The following PTOV1 variants were observed in gnomAD, a reference collection of about 807,000 sequenced individuals.
PTOV1 encodes the protein prostate tumor-overexpressed gene 1 protein.
A neutral mutation model predicts 58.0 loss-of-function variants in PTOV1; 20 were observed. That is an observed-to-expected ratio of 0.34 (90% CI 0.24 to 0.50). The LOEUF is 0.50. Ranked by LOEUF, PTOV1 falls within the 20% of genes least tolerant of loss-of-function variation. PTOV1 has a pLI of 0.98. For missense variants in PTOV1, 593 were observed against 565.4 expected (o/e 1.05, Z -0.50); for synonymous variants, 335 against 234.2 (o/e 1.43, Z -3.93).
chr19:49,860,579 G>A (rs888070656), exon 12 of PTOV1: 13 of 543,276 alleles, frequency 2.4e-5, no homozygotes, highest in Middle Eastern at 9.4e-4. Context: ...TTGGGAGCCT[G>A]TGGCCAGCAG....
At chr19:49,860,463 G>C (rs562779165) in exon 12 of PTOV1, 4 of 928,964 alleles carry the variant, frequency 4.3e-6, no homozygotes, top group African/African-American at 3.3e-5. Flanking sequence ...CAGTCCCAGC[G>C]GTCCTAGGCT....
exon 11 of PTOV1, chr19:49,860,110 G>A (rs1459686938): frequency 6.2e-7 from 1 of 1,614,084 alleles, no homozygotes; most frequent in Non-Finnish European, 8.5e-7. Flanking sequence ...TTTGTCAACG[G>A]CATCCGGCGT....
chr19:49,857,117 C>T (rs1229126795), exon 6 of PTOV1: 3 of 1,613,916 alleles, frequency 1.9e-6, no homozygotes, highest in Non-Finnish European at 2.5e-6. Context: ...CAGGTCATCA[C>T]CACCCGCAAG....
At chr19:49,859,736 C>T (rs1158737292) in intron 10 of PTOV1, 2 of 552,822 alleles carry the variant, frequency 3.6e-6, no homozygotes, top group Non-Finnish European at 3.2e-6. Context: ...CACAGCCTGG[C>T]CTGCCCAGGA....
Position 49,857,497 on chromosome 19 carries a change from C to A in PTOV1, c.715-196C>A, listed in dbSNP as rs148437795. ...CCTGTGCACCAGGTGAGGGCCGGGA[C>A]CTGTCTCAGGCCACTGGGGAGCCAT... is the stretch of plus-strand genomic sequence containing the variant. On this transcript the variant is annotated intron_variant, in intron 6 of 11. Transcript: ENST00000391842. 3,465 of 639,486 alleles carry A rather than the reference C, an allele frequency of 5.4e-3. 13 individuals are homozygous for A. Among genetic ancestry groups the A allele is most frequent in the Middle Eastern group, 0.015 (36 of 2,340 alleles). 39.6% of individuals were successfully genotyped at this position (639,486 alleles called of 1,614,324 possible). A position where few individuals can be genotyped will look rare whatever the true frequency, so the allele number is the denominator to read the frequency against.
chr19:49,859,744 G>C (rs1424879875), intron 10 of PTOV1: 1 of 564,654 alleles, frequency 1.8e-6, no homozygotes, highest in African/African-American at 1.9e-5. Flanking sequence ...GGCCTGCCCA[G>C]GAGCTCTGAA....
chr19:49,857,181 A>C, intron 6 of PTOV1, 51 bp downstream of exon 6: 1 of 1,604,304 alleles, frequency 6.2e-7, no homozygotes, highest in South Asian at 1.1e-5. Context: ...ATTAGACCCC[A>C]CTGCCCTGGT....
exon 1 of PTOV1, chr19:49,851,197 C>A (rs942551873): frequency 1.3e-5 from 16 of 1,210,618 alleles, no homozygotes; most frequent in South Asian, 3.3e-5. Context: ...GGCGGCGCGT[C>A]CCCCGAGCTT....
chr19:49,855,275 G>A (rs1414116017), intron 5 of PTOV1, 198 bp downstream of exon 5: 1 of 595,678 alleles, frequency 1.7e-6, no homozygotes, highest in Non-Finnish European at 3.0e-6. Flanking sequence ...CTCAGCCTGA[G>A]AGGCCTCCAG....
chr19:49,856,693 C>A (rs924656337), intron 5 of PTOV1: 1 of 422,474 alleles, frequency 2.4e-6, no homozygotes, highest in Non-Finnish European at 4.3e-6. Context: ...GGAGGGCTGG[C>A]GGCAGGGGGT....
chr19:49,851,303 C>G, exon 1 of PTOV1: 1 of 1,057,300 alleles, frequency 9.5e-7, no homozygotes, highest in South Asian at 4.4e-5. Flanking sequence ...CGCGGCAGCT[C>G]CCCGCCCGCT....
At position 49,851,510 on chromosome 19, in the gene PTOV1, C is replaced by T. The variant is rs965239554; in HGVS notation, c.171+11C>T. 1.6e-5 allele frequency: 19 copies of T among 1,207,272 alleles called. No homozygotes were observed. Among genetic ancestry groups the T allele is most frequent in the Non-Finnish European group, 2.0e-5 (19 of 969,452 alleles). 74.8% of individuals were successfully genotyped at this position (1,207,272 alleles called of 1,614,324 possible). ...TCGGCCCCTCCCATGGTGAGCCCCC[C>T]GCCCTTTTTCCAGAGCCTTCCACGG... is the stretch of plus-strand genomic sequence containing the variant. On this transcript the variant is annotated intron_variant, in intron 1 of 11. Coordinates refer to ENST00000391842, the Ensembl canonical transcript of PTOV1.
intron 10 of PTOV1, among the ~76,000 whole-genome samples, chr19:49,859,724 GAC>G (rs1379673222): frequency 6.6e-6 from 1 of 152,168 alleles, no homozygotes; most frequent in East Asian, 1.9e-4. Flanking sequence ...GGTGGCCCCA[GAC>G]ACAGCCTGGC....
chr19:49,856,741 C>A, intron 5 of PTOV1: 1 of 532,712 alleles, frequency 1.9e-6, no homozygotes, highest in Non-Finnish European at 3.3e-6. Flanking sequence ...GGCATTCTCA[C>A]CGCAGCCTGG....
chr19:49,855,869 G>A (rs1180129473), intron 5 of PTOV1, among the ~76,000 whole-genome samples: 1 of 152,086 alleles, frequency 6.6e-6, no homozygotes, highest in Non-Finnish European at 1.5e-5. Flanking sequence ...GGCTGTTCAG[G>A]TGACTGAGAT....
At chr19:49,860,076 C>G in exon 11 of PTOV1, 1 of 1,614,220 alleles carries the variant, frequency 6.2e-7, no homozygotes, top group Non-Finnish European at 8.5e-7. Flanking sequence ...CTTCATTGGC[C>G]TCATCCCCCA....
intron 5 of PTOV1, among the ~76,000 whole-genome samples, chr19:49,855,894 G>A (rs2074441324): frequency 6.6e-6 from 1 of 152,148 alleles, no homozygotes; most frequent in African/African-American, 2.4e-5. Context: ...GCGCAGGGCA[G>A]GTCAGAAAGG....
rs1600403353 is a variant in PTOV1, at chr19:49,859,747, G to A, written c.1042-239G>A. 10 of 566,600 alleles carry A rather than the reference G, an allele frequency of 1.8e-5. No homozygotes were observed. In the East Asian group the frequency reaches 2.1e-4, roughly 12 times the overall value. The allele number at this position is 566,600 out of a possible 1,614,324, so 35.1% of individuals were successfully genotyped here. A position where few individuals can be genotyped will look rare whatever the true frequency, so the allele number is the denominator to read the frequency against. On this transcript the variant is annotated intron_variant, in intron 10 of 11. Transcript: ENST00000391842. ...CAGACACAGCCTGGCCTGCCCAGGA[G>A]CTCTGAAATGCAGGTTCTTGGGCCC...
chr19:49,860,376 G>GC, exon 12 of PTOV1: 1 of 521,388 alleles, frequency 1.9e-6, no homozygotes, highest in Non-Finnish European at 3.5e-6. Flanking sequence ...GGACCCTGGG[G>GC]CATGTGGGGG....
Sources: allele counts gnomAD v4.1 joint callset (sites outside exome capture counted in the v4.1 genomes callset), GRCh38; gene constraint gnomAD v4.1.1; transcripts MANE v1.5; gene names NCBI Gene and HGNC (gene_info 2026-07-23, HGNC 2026-07-21).